The following RBM10 variants were observed in gnomAD, a reference collection of about 807,000 sequenced individuals.
RBM10 encodes the protein RNA binding motif protein 10, also known as RNA-binding protein 10.
A neutral mutation model predicts 84.9 loss-of-function variants in RBM10; 1 was observed. The observed-to-expected ratio is 0.01, with a 90% confidence interval of 0.00 to 0.06. The LOEUF is 0.06. Ranked by LOEUF, RBM10 falls within the 10% of genes least tolerant of loss-of-function variation. The pLI, the probability that RBM10 is intolerant of heterozygous loss-of-function variation, is 1.00. For missense variants in RBM10, 438 were observed against 839.0 expected (o/e 0.52, Z 5.90); for synonymous variants, 326 against 344.5 (o/e 0.95, Z 0.60).
At position 47,186,710 on chromosome X, in the gene RBM10, C is replaced by G; in HGVS notation, c.*111C>G. On this transcript the variant is annotated 3_prime_UTR_variant, in exon 24 of 24. Coordinates refer to ENST00000377604, the MANE Select transcript of RBM10 (RefSeq NM_005676.5). ...TTGCTCTTGTCGGCCAGCCCACTCC[C>G]CAGCCAGAGAGGGCTTGACCAAATC... The G allele has an allele frequency of 9.9e-7, 1 of 1,007,578 alleles. No homozygotes were observed. The highest frequency in any genetic ancestry group is 1.4e-6 in the Non-Finnish European group (1 of 718,330). 83.0% of individuals were successfully genotyped at this position (1,007,578 alleles called of 1,213,427 possible). A position where few individuals can be genotyped will look rare whatever the true frequency, so the allele number is the denominator to read the frequency against.
intron 2 of RBM10, among the ~76,000 whole-genome samples, chrX:47,152,712 G>T (rs1162913570): frequency 1.9e-5 from 2 of 106,810 alleles, no homozygotes; most frequent in Non-Finnish European, 3.8e-5. Context: ...TTCCCAAAGT[G>T]CTGGAATTAC....
At chrX:47,157,215 C>G (rs1366855367) in intron 2 of RBM10, 1 of 276,727 alleles carries the variant, frequency 3.6e-6, no homozygotes, top group Non-Finnish European at 6.9e-6. Context: ...AAGATGGATT[C>G]GTGGTCACAT....
intron 7 of RBM10, among the ~76,000 whole-genome samples, chrX:47,178,762 G>A (rs1403940749): frequency 1.8e-5 from 2 of 112,305 alleles, no homozygotes; most frequent in Non-Finnish European, 3.8e-5. Context: ...TCAGGGAGAG[G>A]AACCTAATAA....
intron 2 of RBM10, among the ~76,000 whole-genome samples, chrX:47,158,362 C>T (rs782770530): frequency 8.9e-6 from 1 of 111,891 alleles, no homozygotes; most frequent in Non-Finnish European, 1.9e-5. Flanking sequence ...TCTCCACAAC[C>T]CCCCCACCCC....
intron 2 of RBM10, among the ~76,000 whole-genome samples, chrX:47,153,333 C>T (rs1006667912): frequency 1.2e-4 from 13 of 112,219 alleles, no homozygotes; most frequent in Non-Finnish European, 2.4e-4. Flanking sequence ...TTCCCCAATC[C>T]AGGATCCAGT....
At chrX:47,186,012 C>G (rs2147221849) in intron 21 of RBM10, 53 bp from the exon 22 acceptor site, 2 of 1,191,572 alleles carry the variant, frequency 1.7e-6, no homozygotes, top group South Asian at 3.6e-5. Context: ...GCCTGTGTTG[C>G]CTGAGAAAAG....
chrX:47,178,181 C>G (rs782124698), intron 7 of RBM10, among the ~76,000 whole-genome samples: 6 of 111,692 alleles, frequency 5.4e-5, no homozygotes, highest in Non-Finnish European at 7.5e-5. Context: ...TAACCAGCCC[C>G]AGCTCAGCTT....
At chrX:47,175,933 C>T (rs1405946975) in intron 6 of RBM10, among the ~76,000 whole-genome samples, 1 of 112,251 alleles carries the variant, frequency 8.9e-6, no homozygotes, top group Non-Finnish European at 1.9e-5. Context: ...TGGGGGATCC[C>T]GGCAGAGGCA....
chrX:47,163,930 G>A (rs951174805), intron 2 of RBM10, among the ~76,000 whole-genome samples: 2 of 93,793 alleles, frequency 2.1e-5, no homozygotes, highest in South Asian at 5.3e-4. Flanking sequence ...GTGCAGTGGC[G>A]CGATCTCTGC....
In RBM10 at chrX:47,186,161, A is replaced by C. The variant is rs2147223896; in HGVS notation, c.2527A>C (p.Thr843Pro). The stretch of plus-strand genomic sequence containing the variant: ...GAGGAGGAAGTACGGCGGCATATCC[A>C]CAGCCTCTGTGTGAGTGGCTGGGCC... ...PKRRKYGGIS[T>P]ASVDFEQPTR... Residue 843 changes from threonine (T) to proline (P), a missense_variant, in exon 22 of 24, where the codon ACA (threonine) becomes CCA (proline). Physicochemically the swap from Thr to Pro is conservative, Grantham distance 38 (BLOSUM62 -1). Transcript: ENST00000377604. 8.2e-7 allele frequency: 1 copy of C among 1,212,405 alleles called. No individual in the cohort carries two copies.
At chrX:47,168,625 T>C (rs1934411399) in intron 2 of RBM10, among the ~76,000 whole-genome samples, 1 of 111,579 alleles carries the variant, frequency 9.0e-6, no homozygotes, top group South Asian at 3.7e-4. Context: ...GGAGAAATTT[T>C]AATGAAAGAG....
intron 2 of RBM10, among the ~76,000 whole-genome samples, chrX:47,164,521 C>CAAA (rs201448853): frequency 1.4e-5 from 1 of 69,315 alleles, no homozygotes. Context: ...TACTCCATCT[C>CAAA]AAAAAAAAAA....
At chrX:47,166,453 T>C (rs1205208082) in intron 2 of RBM10, among the ~76,000 whole-genome samples, 1 of 111,071 alleles carries the variant, frequency 9.0e-6, no homozygotes, top group Non-Finnish European at 1.9e-5. Context: ...TAGTTTTAAT[T>C]CTCATCTTTC....
intron 2 of RBM10, among the ~76,000 whole-genome samples, chrX:47,164,025 C>A (rs1323096939): frequency 1.9e-5 from 2 of 107,929 alleles, no homozygotes; most frequent in Non-Finnish European, 3.9e-5. Flanking sequence ...CCCGCCACCA[C>A]GCCCGGCTAA....
rs782701089 is a variant in RBM10, at chrX:47,170,098, G to A, written c.201+600G>A. On this transcript the variant is annotated intron_variant, in intron 3 of 23. Transcript: ENST00000377604. The stretch of plus-strand genomic sequence containing the variant: ...TGCCTTAGGGGAATCCCAGTTGGAG[G>A]GGCAGTCAGGGACCTGGTCCATGCG... 9.7e-5 allele frequency among the ~76,000 whole-genome samples: 11 copies of A among 113,507 alleles called. No individual in the cohort carries two copies. In the East Asian group the frequency reaches 3.1e-3, roughly 32 times the overall value.
chrX:47,145,561 C>T (rs1556761680), intron 1 of RBM10, 76 bp downstream of exon 1: 2 of 1,032,050 alleles, frequency 1.9e-6, no homozygotes, highest in Admixed American at 5.5e-5. Flanking sequence ...CGAGGGCGGA[C>T]TTCGGGTCGG....
rs1282953053 is a variant in RBM10, at chrX:47,179,426, G to A, written c.832G>A (p.Ala278Thr). The A allele has an allele frequency of 8.3e-7, 1 of 1,203,596 alleles. No individual in the cohort carries two copies. Among genetic ancestry groups the A allele is most frequent in the Non-Finnish European group, 1.1e-6 (1 of 893,890 alleles). Residue 278 changes from alanine (A) to threonine (T), a missense_variant, in exon 9 of 24, where the codon GCC becomes ACC. Transcript: ENST00000377604. The stretch of plus-strand genomic sequence containing the variant: ...GCTTCCCCTGCCGCAGCCCTACCAG[G>A]CCCAGGGAGTCCTGGCCTCCCAAGC... ...GLLPLPQPYQ[A>T]QGVLASQALS...
At chrX:47,182,924 A>C (rs1295188695) in intron 17 of RBM10, among the ~76,000 whole-genome samples, 2 of 112,815 alleles carry the variant, frequency 1.8e-5, no homozygotes, top group African/African-American at 6.4e-5. Context: ...TTAAATGATA[A>C]AATGGAAATG....
At position 47,147,229 on chromosome X, in the gene RBM10, G is replaced by C. The variant is rs1186640989; in HGVS notation, c.-125-128G>C. On this transcript the variant is annotated intron_variant, in intron 1 of 23. Transcript: ENST00000377604. The stretch of plus-strand genomic sequence containing the variant: ...TACCTTCATACTGTGATGCACAGGA[G>C]TGCTGGGAGCTGGAAGACAATGTCC... 1.2e-5 allele frequency: 8 copies of C among 690,620 alleles called. No individual in the cohort carries two copies. In the East Asian group the frequency reaches 2.1e-4, roughly 18 times the overall value. 56.9% of individuals were successfully genotyped at this position (690,620 alleles called of 1,213,427 possible). A position where few individuals can be genotyped will look rare whatever the true frequency, so the allele number is the denominator to read the frequency against.
Sources: allele counts gnomAD v4.1 joint callset (sites outside exome capture counted in the v4.1 genomes callset), GRCh38; gene constraint gnomAD v4.1.1; transcripts MANE v1.5; gene names NCBI Gene and HGNC (gene_info 2026-07-23, HGNC 2026-07-21).